CFAP20DC: variants seen among roughly 807,000 people sequenced by gnomAD.
The protein encoded by CFAP20DC is CFAP20 domain containing.
A neutral mutation model predicts 101.7 loss-of-function variants in CFAP20DC; 84 were observed. That is an observed-to-expected ratio of 0.83 (90% CI 0.69 to 0.99). The LOEUF (loss-of-function observed/expected upper bound fraction) is 0.99. CFAP20DC is among the 50% of genes least tolerant of loss of function. The pLI is 0.00. For synonymous variants in CFAP20DC, 359 were observed against 351.2 expected (o/e 1.02, Z -0.25); for missense variants, 1,007 against 970.3 (o/e 1.04, Z -0.50).
At position 58,894,659 on chromosome 3, in the gene CFAP20DC, C is replaced by T. The variant is rs949406176; in HGVS notation, c.551-9950G>A. On this transcript the variant is annotated intron_variant, in intron 6 of 16. Transcript: ENST00000482387. This position sits in a 1 kb window ranked among gnomAD's most constrained non-coding sequence, Gnocchi z 4.1. Reference sequence around the variant, plus strand: ...CAAGCTGTCAGTGGATCTACCATTCCGGGGTTTGGAGGATGGTGGCCCTCT... The same window carrying T: ...CAAGCTGTCAGTGGATCTACCATTCTGGGGTTTGGAGGATGGTGGCCCTCT... 5.5e-4 allele frequency among the ~76,000 whole-genome samples: 83 copies of T among 152,172 alleles called. No homozygotes were observed. Among genetic ancestry groups the T allele is most frequent in the African/African-American group, 1.6e-3 (67 of 41,434 alleles).
intron 4 of CFAP20DC, among the ~76,000 whole-genome samples, chr3:58,939,759 AT>A (rs60955896): frequency 0.043 from 3,991 of 91,936 alleles, 60 homozygotes; most frequent in African/African-American, 0.1. Flanking sequence ...TGCCCGGCCC[AT>A]TTTTTTTTTT....
At chr3:58,780,647 A>G (rs537232214) in intron 15 of CFAP20DC, among the ~76,000 whole-genome samples, 1 of 152,200 alleles carries the variant, frequency 6.6e-6, no homozygotes, top group Admixed American at 6.5e-5. Context: ...AGCTATGCTT[A>G]TATCACACAG....
intron 3 of CFAP20DC, among the ~76,000 whole-genome samples, chr3:58,719,304 C>A (rs551677175): frequency 2.7e-4 from 41 of 152,242 alleles, no homozygotes; most frequent in African/African-American, 9.9e-4. Flanking sequence ...TTGCCATGGG[C>A]CCCTTTATAC....
intron 13 of CFAP20DC, among the ~76,000 whole-genome samples, chr3:58,839,258 T>G (rs540276102): frequency 1.3e-5 from 2 of 152,346 alleles, no homozygotes; most frequent in South Asian, 2.1e-4. Flanking sequence ...CCCATTGTGG[T>G]GGAAGGTGCC....
At chr3:58,812,043 AGT>A (rs1168891888) in intron 14 of CFAP20DC, among the ~76,000 whole-genome samples, 1 of 152,180 alleles carries the variant, frequency 6.6e-6, no homozygotes, top group African/African-American at 2.4e-5. Flanking sequence ...ATCATTAAAA[AGT>A]CAGGAAACAA....
chr3:58,737,870 C>G (rs9850287), downstream of CFAP20DC, among the ~76,000 whole-genome samples: 25,096 of 152,074 alleles, frequency 0.17, 4,238 homozygotes, highest in African/African-American at 0.42. This position sits in a 1 kb window ranked among gnomAD's most constrained non-coding sequence, Gnocchi z 4.1. Context: ...ACCTCTGTTC[C>G]GGGTTTGTGA....
intron 12 of CFAP20DC, among the ~76,000 whole-genome samples, chr3:58,850,026 C>T (rs1446615486): frequency 6.6e-6 from 1 of 152,012 alleles, no homozygotes; most frequent in East Asian, 1.9e-4. Context: ...AATATAAATA[C>T]TTGGAAAGCT....
chr3:58,935,550 A>C (rs970014977), intron 5 of CFAP20DC, among the ~76,000 whole-genome samples: 8 of 152,234 alleles, frequency 5.3e-5, no homozygotes, highest in African/African-American at 1.7e-4. Flanking sequence ...TAACCAAAAC[A>C]GCATGGTACT....
chr3:58,954,625 C>T (rs977667633), intron 4 of CFAP20DC, among the ~76,000 whole-genome samples: 6 of 152,166 alleles, frequency 3.9e-5, no homozygotes, highest in African/African-American at 7.2e-5. Flanking sequence ...GCCTCCCTTA[C>T]ACATTCATTC....
chr3:58,804,609 T>C (rs1208637123), intron 15 of CFAP20DC, among the ~76,000 whole-genome samples: 2 of 152,194 alleles, frequency 1.3e-5, no homozygotes, highest in African/African-American at 4.8e-5. Flanking sequence ...GTGATCCATC[T>C]GCCTTAGTCT....
intron 4 of CFAP20DC, among the ~76,000 whole-genome samples, chr3:59,034,270 T>C (rs2094052108): frequency 6.6e-6 from 1 of 152,152 alleles, no homozygotes; most frequent in Admixed American, 6.5e-5. Context: ...ATTGACACTA[T>C]GAAGAAATTG....
chr3:58,836,018 G>T (rs2076713906), intron 13 of CFAP20DC, among the ~76,000 whole-genome samples: 1 of 152,164 alleles, frequency 6.6e-6, no homozygotes, highest in African/African-American at 2.4e-5. Context: ...TAGGAACGAG[G>T]CAATGGGCTG....
At chr3:58,809,428 T>G (rs1435794660) in intron 14 of CFAP20DC, among the ~76,000 whole-genome samples, 1 of 152,112 alleles carries the variant, frequency 6.6e-6, no homozygotes, top group Non-Finnish European at 1.5e-5. Context: ...ACATGGAAAC[T>G]GAACAACCTG....
At chr3:58,889,672 T>C (rs1299538135) in intron 6 of CFAP20DC, among the ~76,000 whole-genome samples, 1 of 141,582 alleles carries the variant, frequency 7.1e-6, no homozygotes, top group Non-Finnish European at 1.5e-5. Flanking sequence ...CAAAGGTCTC[T>C]GGTTTTCCTA....
intron 5 of CFAP20DC, among the ~76,000 whole-genome samples, chr3:58,918,457 A>G (rs1262472335): frequency 6.6e-6 from 1 of 152,118 alleles, no homozygotes; most frequent in Non-Finnish European, 1.5e-5. Flanking sequence ...ATCTTCTAAC[A>G]TCCTGTTCAA....
intron 5 of CFAP20DC, among the ~76,000 whole-genome samples, chr3:58,936,788 G>A (rs987871429): frequency 4.6e-5 from 7 of 152,234 alleles, no homozygotes; most frequent in South Asian, 4.1e-4. Context: ...GTTAGGGGAC[G>A]GGGAGGGATA....
chr3:58,930,630 G>A (rs1169541997), intron 5 of CFAP20DC, among the ~76,000 whole-genome samples: 1 of 152,190 alleles, frequency 6.6e-6, no homozygotes. Flanking sequence ...CCTCAGGACA[G>A]AGCCTTAAAC....
At chr3:58,854,462 C>G (rs2078567153) in intron 12 of CFAP20DC, among the ~76,000 whole-genome samples, 1 of 151,876 alleles carries the variant, frequency 6.6e-6, no homozygotes, top group Admixed American at 6.6e-5. Context: ...CAATGACTTT[C>G]TTCACAGAAT....
At chr3:58,903,012 A>C (rs559664168) in intron 6 of CFAP20DC, among the ~76,000 whole-genome samples, 7 of 152,062 alleles carry the variant, frequency 4.6e-5, no homozygotes, top group Non-Finnish European at 1.0e-4. Context: ...AATATACTAG[A>C]ATGTTTTCTC....
Sources: allele counts gnomAD v4.1 joint callset (sites outside exome capture counted in the v4.1 genomes callset), GRCh38; gene constraint gnomAD v4.1.1; non-coding constraint Gnocchi (gnomAD v3.1); transcripts MANE v1.5; gene names NCBI Gene and HGNC (gene_info 2026-07-23, HGNC 2026-07-21).